KAZN: variants seen among roughly 807,000 people sequenced by gnomAD.
KAZN encodes the protein kazrin, periplakin interacting protein.
In KAZN, 40 loss-of-function variants were observed where a neutral mutation model predicts 87.4. The ratio of observed to expected loss-of-function variants is 0.46; its 90% CI spans 0.36 to 0.60. The LOEUF (loss-of-function observed/expected upper bound fraction) is 0.60. Ranked by LOEUF, KAZN falls within the 20% of genes least tolerant of loss-of-function variation. The pLI is 0.00. For missense variants in KAZN, 898 were observed against 1,073.9 expected (o/e 0.84, Z 2.29); for synonymous variants, 466 against 458.3 (o/e 1.02, Z -0.22).
chr1:14,935,089 A>G (rs1167511219), intron 1 of KAZN, among the ~76,000 whole-genome samples: 1 of 152,072 alleles, frequency 6.6e-6, no homozygotes, highest in Non-Finnish European at 1.5e-5. Flanking sequence ...TCCTGGGTGC[A>G]CCAGCGGCTG....
intron 1 of KAZN, among the ~76,000 whole-genome samples, chr1:14,048,193 A>T (rs990817530): frequency 6.6e-6 from 1 of 152,196 alleles, no homozygotes; most frequent in Non-Finnish European, 1.5e-5. Context: ...AACCTTTAGC[A>T]TAATAATACC....
At chr1:14,665,449 C>T (rs1034085422) in intron 1 of KAZN, among the ~76,000 whole-genome samples, 1 of 152,134 alleles carries the variant, frequency 6.6e-6, no homozygotes, top group Non-Finnish European at 1.5e-5. Flanking sequence ...GTTTCAGTCC[C>T]CGTCAAAATC....
At chr1:14,529,542 C>A (rs1035365700) in intron 2 of KAZN, among the ~76,000 whole-genome samples, 22 of 152,196 alleles carry the variant, frequency 1.4e-4, no homozygotes, top group African/African-American at 4.8e-4. Context: ...TTCCAGAACA[C>A]CAAGCATGTT....
At position 14,687,741 on chromosome 1, in the gene KAZN, G is replaced by A. The variant is rs149785755; in HGVS notation, c.226+88518G>A. On this transcript the variant is annotated intron_variant, in intron 1 of 14. Transcript: ENST00000376030. ...GCTGCAAGTGGGAAGCAGGGGACTC[G>A]GATGATTTATCGGGGCAATAATGAA... 5.9e-5 allele frequency among the ~76,000 whole-genome samples: 9 copies of A among 152,324 alleles called. No homozygotes were observed. In the East Asian group the frequency reaches 9.6e-4, roughly 16 times the overall value.
intron 1 of KAZN, among the ~76,000 whole-genome samples, chr1:14,103,989 G>A (rs1029538050): frequency 6.6e-6 from 1 of 152,068 alleles, no homozygotes; most frequent in Non-Finnish European, 1.5e-5. Context: ...GGCAAAAATC[G>A]ACATTATAAT....
At chr1:14,095,984 G>A (rs971889712) in intron 1 of KAZN, among the ~76,000 whole-genome samples, 3 of 152,082 alleles carry the variant, frequency 2.0e-5, no homozygotes, top group Non-Finnish European at 1.5e-5. Flanking sequence ...GTTCTGAAAG[G>A]ATGCATATCA....
chr1:14,190,260 A>G, intron 2 of KAZN, among the ~76,000 whole-genome samples: 1 of 152,288 alleles, frequency 6.6e-6, no homozygotes, highest in East Asian at 1.9e-4. Flanking sequence ...AGCGATGTGA[A>G]AAATAAAGGT....
chr1:13,893,140 G>A (rs1315555004), exon 1 of KAZN: 1 of 152,148 alleles, frequency 6.6e-6, no homozygotes, highest in East Asian at 1.9e-4. Flanking sequence ...CAGGCAGCGG[G>A]GCGGCGCCAG....
intron 1 of KAZN, among the ~76,000 whole-genome samples, chr1:14,934,500 C>T (rs757497500): frequency 1.3e-5 from 2 of 152,244 alleles, no homozygotes; most frequent in African/African-American, 2.4e-5. Flanking sequence ...CCACTGCGCC[C>T]GGCCCTCCTT....
At chr1:14,956,335 C>T (rs1038770666) in intron 1 of KAZN, among the ~76,000 whole-genome samples, 27 of 149,750 alleles carry the variant, frequency 1.8e-4, no homozygotes, top group African/African-American at 6.5e-4. Flanking sequence ...CACGGTGGCT[C>T]CCACCTGTAA....
intron 1 of KAZN, among the ~76,000 whole-genome samples, chr1:13,917,132 A>G (rs1040907734): frequency 6.6e-6 from 1 of 152,150 alleles, no homozygotes; most frequent in African/African-American, 2.4e-5. Flanking sequence ...GTGTAATACA[A>G]ATTTCATTTG....
At chr1:15,110,549 T>TTTTGTGTGTGTGTGTG (rs138391066) in intron 13 of KAZN, among the ~76,000 whole-genome samples, 3 of 148,078 alleles carry the variant, frequency 2.0e-5, no homozygotes, top group Non-Finnish European at 4.5e-5. Context: ...GCATATGTGT[T>TTTTGTGTGTGTGTGTG]TGTGTGTGTG....
chr1:14,440,094 A>G (rs1025122148), intron 2 of KAZN, among the ~76,000 whole-genome samples: 2 of 152,220 alleles, frequency 1.3e-5, no homozygotes, highest in African/African-American at 2.4e-5. Flanking sequence ...TCTGTTTGCT[A>G]GAACACCAGC....
At chr1:15,112,587 A>AAGGTCTTTTTTTTCTTATCCCAGCGGC in intron 14 of KAZN, 46 bp downstream of exon 14, 1 of 1,293,606 alleles carries the variant, frequency 7.7e-7, no homozygotes, top group Non-Finnish European at 1.1e-6. Flanking sequence ...AGACCCGGGA[A>AAGGTCTTTTTTTTCTTATCCCAGCGGC]AGGTCTTTTT....
chr1:14,817,778 G>GA (rs36003629), intron 1 of KAZN, among the ~76,000 whole-genome samples: 62 of 146,538 alleles, frequency 4.2e-4, no homozygotes, highest in South Asian at 2.4e-3. Flanking sequence ...TTCTAAATAG[G>GA]AAAAAAAAAA....
At chr1:14,165,958 G>T (rs2100230524) in intron 1 of KAZN, among the ~76,000 whole-genome samples, 1 of 152,190 alleles carries the variant, frequency 6.6e-6, no homozygotes, top group South Asian at 2.1e-4. Flanking sequence ...TTCTCTCACG[G>T]TCATACAAAG....
chr1:14,209,368 C>T (rs534638667), intron 2 of KAZN, among the ~76,000 whole-genome samples: 189 of 152,244 alleles, frequency 1.2e-3, no homozygotes, highest in Non-Finnish European at 1.2e-3. Flanking sequence ...GGTCCCTCCA[C>T]GTGGAAATAT....
In KAZN at chr1:14,380,458, A is replaced by G. The variant is rs148957239; in HGVS notation, c.249+199866A>G. Among the ~76,000 whole-genome samples the G allele has an allele frequency of 8.6e-3, 1,315 of 152,384 alleles. 22 individuals are homozygous for G. Among genetic ancestry groups the G allele is most frequent in the Admixed American group, 0.044 (671 of 15,310 alleles). On this transcript the variant is annotated intron_variant, in intron 2 of 16. Coordinates refer to the KAZN transcript ENST00000636203. ...TGCTGTGTTGAAGAAACTTAAAGAA[A>G]TTCAAGATAACACAAAGAAGAAAAT...
intron 1 of KAZN, among the ~76,000 whole-genome samples, chr1:14,021,506 T>G (rs1640824040): frequency 6.6e-6 from 1 of 152,158 alleles, no homozygotes; most frequent in African/African-American, 2.4e-5. Flanking sequence ...CAAAATCCCC[T>G]TGACAGCTAA....
Sources: allele counts gnomAD v4.1 joint callset (sites outside exome capture counted in the v4.1 genomes callset), GRCh38; gene constraint gnomAD v4.1.1; transcripts MANE v1.5; gene names NCBI Gene and HGNC (gene_info 2026-07-23, HGNC 2026-07-21).